ENPEP: variants seen among roughly 807,000 people sequenced by gnomAD.
ENPEP encodes the protein AP-A.
In ENPEP, 103 loss-of-function variants were observed where a neutral mutation model predicts 114.5. That is an observed-to-expected ratio of 0.90 (90% CI 0.77 to 1.06). ENPEP has a LOEUF of 1.06. ENPEP is among the 50% of genes least tolerant of loss of function. ENPEP has a pLI of 0.00. For synonymous variants in ENPEP, 420 were observed against 422.0 expected (o/e 1.00, Z 0.06); for missense variants, 1,196 against 1,161.3 (o/e 1.03, Z -0.43).
In ENPEP at chr4:110,515,018, C is replaced by G. The variant is rs148367798; in HGVS notation, c.1444-359C>G. On this transcript the variant is annotated intron_variant, in intron 7 of 19. Transcript: ENST00000265162. ...AAGTTGGCAGAATTTTACCCTGAAA[C>G]TACTTTCCTCATTCATCAAAGAATG... Among the ~76,000 whole-genome samples, 520 of 152,244 alleles carry G rather than the reference C, an allele frequency of 3.4e-3. 19 individuals are homozygous for G. In the South Asian group the frequency reaches 0.045, roughly 13 times the overall value.
intron 17 of ENPEP, among the ~76,000 whole-genome samples, chr4:110,552,933 T>TGG (rs1727342667): frequency 6.6e-6 from 1 of 152,020 alleles, no homozygotes; most frequent in Non-Finnish European, 1.5e-5. Flanking sequence ...AAAAATCCAG[T>TGG]GGGATAATGG....
intron 6 of ENPEP, chr4:110,513,207 A>G: frequency 2.5e-6 from 1 of 403,152 alleles, no homozygotes; most frequent in East Asian, 4.8e-5. Context: ...CATCTGGGGG[A>G]AAATTAAAAG....
rs1727372314 is a variant in ENPEP at position 110,553,639 on chromosome 4, T to G, written c.2642+184T>G. On this transcript the variant is annotated intron_variant, in intron 18 of 19. Coordinates refer to ENST00000265162, the MANE Select transcript of ENPEP (RefSeq NM_001977.4). ...GTACTAGTTAATTTTAAGAACAATT[T>G]TTTTCTGGAAATTATTGTTTCAACT... 4 of 470,396 alleles carry G rather than the reference T, an allele frequency of 8.5e-6. 1 individual carries two copies. In the South Asian group the frequency reaches 3.3e-4, roughly 38 times the overall value. 29.1% of individuals were successfully genotyped at this position (470,396 alleles called of 1,614,324 possible). A position where few individuals can be genotyped will look rare whatever the true frequency, so the allele number is the denominator to read the frequency against.
chr4:110,496,906 T>C (rs1390795833), intron 3 of ENPEP, among the ~76,000 whole-genome samples: 1 of 152,240 alleles, frequency 6.6e-6, no homozygotes. Flanking sequence ...TTCAGTTTAC[T>C]AGTTTTTTAT....
intron 11 of ENPEP, 49 bp from the exon 12 acceptor site, chr4:110,542,702 G>A: frequency 6.5e-7 from 1 of 1,528,944 alleles, no homozygotes; most frequent in Non-Finnish European, 8.8e-7. Context: ...TCTCTGTGTT[G>A]ACAGTGCATG....
intron 17 of ENPEP, among the ~76,000 whole-genome samples, chr4:110,551,073 G>C (rs995414736): frequency 2.1e-5 from 3 of 143,988 alleles, no homozygotes; most frequent in African/African-American, 5.2e-5. Flanking sequence ...GGGCAACATA[G>C]TGAGACCTCG....
intron 3 of ENPEP, among the ~76,000 whole-genome samples, chr4:110,505,042 G>A (rs948421979): frequency 6.6e-6 from 1 of 152,206 alleles, no homozygotes; most frequent in Non-Finnish European, 1.5e-5. Flanking sequence ...GAAAATCTGA[G>A]AGTTTTGACA....
chr4:110,544,928 A>T (rs1726997379), intron 13 of ENPEP, among the ~76,000 whole-genome samples: 1 of 152,132 alleles, frequency 6.6e-6, no homozygotes, highest in Non-Finnish European at 1.5e-5. Context: ...AATTCAAAAC[A>T]TATGTAGGAT....
rs1727712994 is a variant in ENPEP at position 110,562,512 on chromosome 4, T to A, written c.*954T>A. 1 of 152,142 alleles carries A rather than the reference T, an allele frequency of 6.6e-6. No homozygotes were observed. 9.4% of individuals were successfully genotyped at this position (152,142 alleles called of 1,614,324 possible). Reference sequence around the variant, plus strand: ...ATGGAATTAGAATTTAGCTTTGACCTCACCTAGCAATCTAAGTGTGAAAAT... The same window carrying A: ...ATGGAATTAGAATTTAGCTTTGACCACACCTAGCAATCTAAGTGTGAAAAT... On this transcript the variant is annotated 3_prime_UTR_variant, in exon 20 of 20. Coordinates refer to ENST00000265162, the MANE Select transcript of ENPEP (RefSeq NM_001977.4).
In ENPEP at chr4:110,564,735, G is replaced by A. The variant is rs908021712; in HGVS notation, c.*3177G>A. Reference sequence around the variant, plus strand: ...CTATATCCTACCCCATTGTAGTCTAGCATGGTATGTGACTTGCTTTGGCCA... The same window carrying A: ...CTATATCCTACCCCATTGTAGTCTAACATGGTATGTGACTTGCTTTGGCCA... On this transcript the variant is annotated 3_prime_UTR_variant, in exon 20 of 20. Coordinates refer to ENST00000265162, the MANE Select transcript of ENPEP (RefSeq NM_001977.4). 3 of 152,166 alleles carry A rather than the reference G, an allele frequency of 2.0e-5. No individual in the cohort carries two copies. The highest frequency in any genetic ancestry group is 2.9e-5 in the Non-Finnish European group (2 of 68,046). 9.4% of individuals were successfully genotyped at this position (152,166 alleles called of 1,614,324 possible).
At chr4:110,477,622 G>T (rs1192761133) in intron 1 of ENPEP, among the ~76,000 whole-genome samples, 1 of 151,954 alleles carries the variant, frequency 6.6e-6, no homozygotes, top group African/African-American at 2.4e-5. Context: ...ACAGGACTGT[G>T]TTTTTTTCTG....
At chr4:110,481,427 C>T (rs948882865) in intron 1 of ENPEP, among the ~76,000 whole-genome samples, 1 of 152,058 alleles carries the variant, frequency 6.6e-6, no homozygotes. Context: ...TCCCAACTCT[C>T]TGTGACTATG....
chr4:110,526,237 C>G (rs1355499302), intron 10 of ENPEP, among the ~76,000 whole-genome samples: 2 of 152,142 alleles, frequency 1.3e-5, no homozygotes, highest in Non-Finnish European at 2.9e-5. Context: ...GATCATGCTA[C>G]TGCACTCCAG....
intron 3 of ENPEP, 139 bp downstream of exon 3, chr4:110,491,303 T>C (rs1049394620): frequency 4.2e-6 from 3 of 719,010 alleles, no homozygotes; most frequent in South Asian, 4.7e-5. Flanking sequence ...GTGGACTTGA[T>C]AATACATAGA....
intron 10 of ENPEP, among the ~76,000 whole-genome samples, chr4:110,522,104 CTT>C (rs1726014656): frequency 1.3e-5 from 2 of 152,082 alleles, no homozygotes; most frequent in African/African-American, 4.8e-5. Flanking sequence ...GTCTTAAACT[CTT>C]GACCTCGGGT....
intron 11 of ENPEP, among the ~76,000 whole-genome samples, chr4:110,531,994 G>A (rs542031644): frequency 6.6e-6 from 1 of 152,116 alleles, no homozygotes; most frequent in Admixed American, 6.5e-5. Context: ...GAAGATAAAA[G>A]TAGATCACTC....
At chr4:110,537,582 G>A (rs1046165597) in intron 11 of ENPEP, among the ~76,000 whole-genome samples, 3 of 152,182 alleles carry the variant, frequency 2.0e-5, no homozygotes, top group African/African-American at 4.8e-5. Context: ...CATTCCTGAC[G>A]GTTGCAATCA....
intron 10 of ENPEP, among the ~76,000 whole-genome samples, chr4:110,523,806 G>A (rs572139868): frequency 1.3e-5 from 2 of 152,282 alleles, no homozygotes; most frequent in East Asian, 1.9e-4. Context: ...GTGCAGGAAC[G>A]GCTGTCTTCC....
intron 11 of ENPEP, among the ~76,000 whole-genome samples, chr4:110,539,450 T>C (rs144657063): frequency 2.4e-3 from 358 of 152,332 alleles, no homozygotes; most frequent in African/African-American, 8.3e-3. Flanking sequence ...TTTTCTTCTA[T>C]GACCCCAAAG....
Sources: gnomAD v4.1 joint callset for allele counts (sites outside exome capture counted in the v4.1 genomes callset) on GRCh38, gnomAD v4.1.1 for gene constraint, MANE v1.5 for transcripts, NCBI Gene and HGNC (gene_info 2026-07-23, HGNC 2026-07-21) for gene names.